The following CDC42BPA variants were observed in gnomAD, a reference collection of about 807,000 sequenced individuals.
CDC42BPA encodes serine/threonine-protein kinase MRCK alpha.
CDC42BPA carries 80 observed loss-of-function variants against 223.5 expected under a neutral mutation model. The ratio of observed to expected loss-of-function variants is 0.36; its 90% CI spans 0.30 to 0.43. CDC42BPA has a LOEUF of 0.43. CDC42BPA is among the 20% of genes least tolerant of loss of function. The pLI is 1.00. For synonymous variants in CDC42BPA, 694 were observed against 718.6 expected (o/e 0.97, Z 0.55); for missense variants, 1,743 against 2,099.9 (o/e 0.83, Z 3.32).
At chr1:227,217,717 C>T (rs918108644) in intron 2 of CDC42BPA, among the ~76,000 whole-genome samples, 2 of 152,138 alleles carry the variant, frequency 1.3e-5, no homozygotes, top group Admixed American at 1.3e-4. Flanking sequence ...GTGCTACTCT[C>T]CCCCTGGTTC....
At chr1:227,145,011 T>C (rs965181094) in intron 8 of CDC42BPA, among the ~76,000 whole-genome samples, 1 of 152,208 alleles carries the variant, frequency 6.6e-6, no homozygotes, top group East Asian at 1.9e-4. Context: ...GTAGTGGGGA[T>C]GGACGTGTGT....
rs958655833 is a variant in CDC42BPA, at chr1:227,015,795, T to C, written c.4857+285A>G. Among the ~76,000 whole-genome samples the C allele has an allele frequency of 5.9e-5, 9 of 152,296 alleles. No individual in the cohort carries two copies. In the South Asian group the frequency reaches 6.2e-4, roughly 11 times the overall value. On this transcript the variant is annotated intron_variant, in intron 34 of 36. Coordinates refer to ENST00000366766, the MANE Select transcript of CDC42BPA (RefSeq NM_001394014.1). ...AATGTGGTATAGAACCTCTCCGAATTTGGTAGTTTCTTCCACCACCAATAG... is the reference window on the plus strand; with the variant it reads ...AATGTGGTATAGAACCTCTCCGAATCTGGTAGTTTCTTCCACCACCAATAG...
At chr1:227,172,627 C>G (rs536638686) in intron 5 of CDC42BPA, among the ~76,000 whole-genome samples, 1 of 151,812 alleles carries the variant, frequency 6.6e-6, no homozygotes. Flanking sequence ...CCCACTGAGA[C>G]GGAAGGAAGA....
intron 5 of CDC42BPA, among the ~76,000 whole-genome samples, chr1:227,161,364 T>C (rs1207780726): frequency 6.6e-6 from 1 of 152,180 alleles, no homozygotes; most frequent in African/African-American, 2.4e-5. Context: ...AGGTTGTAAT[T>C]GTGAATAACT....
chr1:227,005,155 C>T (rs529714717), intron 34 of CDC42BPA, 44 bp from the exon 35 acceptor site: 5 of 1,287,904 alleles, frequency 3.9e-6, no homozygotes, highest in South Asian at 3.6e-5. Context: ...CAGAAAGAAA[C>T]TGATTTTTCT....
At chr1:227,045,590 C>T (rs73089754) in intron 23 of CDC42BPA, among the ~76,000 whole-genome samples, 43,098 of 151,950 alleles carry the variant, frequency 0.28, 6,326 homozygotes, top group African/African-American at 0.35. Context: ...GGAACTTCTA[C>T]TTGTTGGATA....
chr1:227,133,524 G>C lies in CDC42BPA; in HGVS notation c.1391-4293C>G, dbSNP rs548358628. 5.9e-5 allele frequency among the ~76,000 whole-genome samples: 9 copies of C among 152,374 alleles called. No individual in the cohort carries two copies. The South Asian group carries it at 1.0e-3, about 18-fold the overall frequency. On this transcript the variant is annotated intron_variant, in intron 10 of 36. Coordinates refer to ENST00000366766, the MANE Select transcript of CDC42BPA (RefSeq NM_001394014.1). The stretch of plus-strand genomic sequence containing the variant: ...ATGGCGGTTTTGTGGAATAGAAAGG[G>C]GGGAAGGGTGGGGAAAAGATTGAGA...
chr1:226,994,121 C>T lies in CDC42BPA; in HGVS notation c.*147G>A, dbSNP rs1661088693. The T allele has an allele frequency of 4.7e-6, 3 of 645,002 alleles. No individual in the cohort carries two copies. Among genetic ancestry groups the T allele is most frequent in the East Asian group, 3.0e-5 (1 of 33,314 alleles). 40.0% of individuals were successfully genotyped at this position (645,002 alleles called of 1,614,324 possible). ...GGGGGCGTGGATCTGAGAGTCGTGT[C>T]GTCAGAACTCCTGAATCCCTGTCCT... On this transcript the variant is annotated 3_prime_UTR_variant, in exon 37 of 37. Transcript: ENST00000366766. The surrounding 1 kb of genome is among the most constrained non-coding windows in gnomAD (Gnocchi z 4.0).
rs534138400 is a variant in CDC42BPA, at chr1:227,100,381, G to A, written c.2249+611C>T. ...AATGGCCTGAGGATAATGTGCAAAT[G>A]CCTTGTATTCTGTCATGACTTTGCC... is the stretch of plus-strand genomic sequence containing the variant. On this transcript the variant is annotated intron_variant, in intron 15 of 36. Coordinates refer to ENST00000366766, the MANE Select transcript of CDC42BPA (RefSeq NM_001394014.1). Among the ~76,000 whole-genome samples the A allele has an allele frequency of 5.3e-5, 8 of 152,166 alleles. No individual in the cohort carries two copies. The South Asian group carries it at 8.3e-4, about 16-fold the overall frequency.
At chr1:227,066,048 A>AT (rs112245936) in intron 21 of CDC42BPA, among the ~76,000 whole-genome samples, 2 of 152,206 alleles carry the variant, frequency 1.3e-5, no homozygotes, top group African/African-American at 4.8e-5. Flanking sequence ...CAAGCACAAT[A>AT]TAACTAGATT....
chr1:227,137,852 A>C (rs1212431661), intron 10 of CDC42BPA, among the ~76,000 whole-genome samples: 1 of 152,134 alleles, frequency 6.6e-6, no homozygotes, highest in East Asian at 1.9e-4. Flanking sequence ...TTTATTTCAT[A>C]GTGGTAGGTT....
chr1:227,150,899 C>T (rs571410995), intron 6 of CDC42BPA, among the ~76,000 whole-genome samples: 2 of 146,114 alleles, frequency 1.4e-5, no homozygotes, highest in South Asian at 4.4e-4. Context: ...AAATTAAACA[C>T]TGGAAAAACA....
Position 227,116,477 on chromosome 1 carries a change from C to G in CDC42BPA, c.1647+3327G>C, listed in dbSNP as rs1327694298. Among the ~76,000 whole-genome samples, 4 of 152,100 alleles carry G rather than the reference C, an allele frequency of 2.6e-5. No homozygotes were observed. The South Asian group carries it at 8.3e-4, about 32-fold the overall frequency. ...ATTATTAGCGATGAAATATCAGAGG[C>G]AGTTTCTTTAAAATCGGGGAACAAG... On this transcript the variant is annotated intron_variant, in intron 12 of 36. Coordinates refer to ENST00000366766, the MANE Select transcript of CDC42BPA (RefSeq NM_001394014.1).
intron 1 of CDC42BPA, among the ~76,000 whole-genome samples, chr1:227,286,519 T>A (rs776685318): frequency 2.0e-5 from 3 of 152,214 alleles, no homozygotes; most frequent in Admixed American, 6.5e-5. Context: ...CAGTCTTTAG[T>A]AAGTTCCAAA....
Position 226,990,051 on chromosome 1 carries a change from G to C in CDC42BPA, c.*4217C>G, listed in dbSNP as rs1033270486. The C allele has an allele frequency of 1.3e-5, 2 of 152,498 alleles. No individual in the cohort carries two copies. Among genetic ancestry groups the C allele is most frequent in the African/African-American group, 4.8e-5 (2 of 41,412 alleles). The allele number at this position is 152,498 out of a possible 1,614,324, so 9.4% of individuals were successfully genotyped here. A position where few individuals can be genotyped will look rare whatever the true frequency, so the allele number is the denominator to read the frequency against. ...CTTAAAAAGTTCCCTAAGACACTGA[G>C]GGCATAAAACCAAACAAAATAAAAT... On this transcript the variant is annotated 3_prime_UTR_variant, in exon 37 of 37. Transcript: ENST00000366766.
chr1:226,990,176 CAAT>C lies in CDC42BPA; in HGVS notation c.*4089_*4091del, dbSNP rs991175412. On this transcript the variant is annotated 3_prime_UTR_variant, in exon 37 of 37. Transcript: ENST00000366766. ...TCACACCAGGCCATGCAAAACTGTA[CAAT>C]ATTACGAGAAAAACCCTAAAAAATT... The C allele has an allele frequency of 1.4e-4, 18 of 127,006 alleles. No individual in the cohort carries two copies. Among genetic ancestry groups the C allele is most frequent in the African/African-American group, 4.6e-4 (17 of 36,948 alleles). The allele number at this position is 127,006 out of a possible 1,614,324, so 7.9% of individuals were successfully genotyped here. A position where few individuals can be genotyped will look rare whatever the true frequency, so the allele number is the denominator to read the frequency against.
At chr1:227,205,319 CAG>C (rs1182863581) in intron 3 of CDC42BPA, among the ~76,000 whole-genome samples, 5,332 of 120,228 alleles carry the variant, frequency 0.044, 324 homozygotes, top group African/African-American at 0.14. Flanking sequence ...CACACACACA[CAG>C]AGAGCCATTC....
At chr1:227,221,607 T>A (rs1675918419) in intron 2 of CDC42BPA, among the ~76,000 whole-genome samples, 1 of 151,396 alleles carries the variant, frequency 6.6e-6, no homozygotes, top group Non-Finnish European at 1.5e-5. Flanking sequence ...ATAGGCTTTT[T>A]TTTTTTTTTA....
chr1:227,216,708 C>T (rs374450018), intron 2 of CDC42BPA, among the ~76,000 whole-genome samples: 63 of 152,262 alleles, frequency 4.1e-4, no homozygotes, highest in African/African-American at 1.5e-3. Context: ...AGAACCACAG[C>T]TTAACATATA....
Sources: allele counts gnomAD v4.1 joint callset (sites outside exome capture counted in the v4.1 genomes callset), GRCh38; gene constraint gnomAD v4.1.1; non-coding constraint Gnocchi (gnomAD v3.1); transcripts MANE v1.5; gene names NCBI Gene and HGNC (gene_info 2026-07-23, HGNC 2026-07-21).